The following RNF115 variants were observed in gnomAD, a reference collection of about 807,000 sequenced individuals.
The protein encoded by RNF115 is E3 ubiquitin-protein ligase RNF115.
In RNF115, 31 loss-of-function variants were observed where a neutral mutation model predicts 39.2. That is an observed-to-expected ratio of 0.79 (90% CI 0.59 to 1.07). RNF115 has a LOEUF of 1.07. Among genes scored for constraint, RNF115 ranks in the 50% least tolerant of loss-of-function variants. RNF115 has a pLI of 0.00. For missense variants in RNF115, 384 were observed against 381.7 expected (o/e 1.01, Z -0.05); for synonymous variants, 124 against 131.0 (o/e 0.95, Z 0.37).
At chr1:145,809,434 GC>G (rs1414316017) in intron 1 of RNF115, among the ~76,000 whole-genome samples, 1 of 145,772 alleles carries the variant, frequency 6.9e-6, no homozygotes, top group African/African-American at 2.5e-5. Flanking sequence ...GCCCGCTTCA[GC>G]CTCCCAAAGT....
Position 145,750,487 on chromosome 1 carries a change from A to T in RNF115, c.587T>A (p.Leu196Gln). The T allele has an allele frequency of 6.2e-7, 1 of 1,613,800 alleles. No individual in the cohort carries two copies. The highest frequency in any genetic ancestry group is 8.5e-7 in the Non-Finnish European group (1 of 1,179,734). ...DAIVTQLLGQLENTGPPPADK... is the reference protein window; with the variant it reads ...DAIVTQLLGQQENTGPPPADK... ...AGCTGGGGGAGGGCCTGTGTTTTCC[A>T]GTTGTCCTAAAAGCTACAAAAAAAG... Residue 196 changes from leucine to glutamine, a missense_variant, in exon 7 of 9, where the codon CTG becomes CAG. Coordinates refer to ENST00000582693, the MANE Select transcript of RNF115 (RefSeq NM_014455.4).
At chr1:145,771,455 T>C (rs1553715724) in intron 4 of RNF115, among the ~76,000 whole-genome samples, 1 of 152,202 alleles carries the variant, frequency 6.6e-6, no homozygotes, top group African/African-American at 2.4e-5. Context: ...CTGCACAAAA[T>C]GGACTGAGAC....
intron 1 of RNF115, among the ~76,000 whole-genome samples, chr1:145,805,945 G>A (rs930310405): frequency 7.9e-5 from 12 of 152,270 alleles, no homozygotes; most frequent in African/African-American, 2.9e-4. Context: ...GTTGCAAAAT[G>A]AGGGCTAGTT....
chr1:145,809,373 T>C (rs1256276096), intron 1 of RNF115, among the ~76,000 whole-genome samples: 1 of 151,184 alleles, frequency 6.6e-6, no homozygotes, highest in Non-Finnish European at 1.5e-5. Context: ...TTTTAGTAGA[T>C]GCAGATTTCA....
At chr1:145,787,598 G>C (rs1553718300) in intron 2 of RNF115, among the ~76,000 whole-genome samples, 1 of 135,972 alleles carries the variant, frequency 7.4e-6, no homozygotes, top group African/African-American at 2.8e-5. Context: ...AAAAGAAAAA[G>C]ATTTTAGGTT....
intron 3 of RNF115, among the ~76,000 whole-genome samples, chr1:145,783,778 G>T (rs587644487): frequency 6.6e-5 from 10 of 151,528 alleles, no homozygotes; most frequent in Non-Finnish European, 1.3e-4. Context: ...AAAACAAAGA[G>T]TATTAATGCC....
At chr1:145,813,699 T>C (rs1262227466) in intron 1 of RNF115, among the ~76,000 whole-genome samples, 17 of 151,966 alleles carry the variant, frequency 1.1e-4, no homozygotes, top group Non-Finnish European at 1.8e-4. Context: ...CCTAAAATTA[T>C]ACGGTCTCAA....
intron 4 of RNF115, among the ~76,000 whole-genome samples, chr1:145,767,095 C>T (rs587612452): frequency 2.0e-5 from 3 of 147,788 alleles, no homozygotes; most frequent in East Asian, 2.1e-4. Flanking sequence ...CCTTCCCGGA[C>T]GGGGCGGCTG....
At chr1:145,768,597 A>G (rs1189994053) in intron 4 of RNF115, among the ~76,000 whole-genome samples, 1 of 152,128 alleles carries the variant, frequency 6.6e-6, no homozygotes, top group East Asian at 1.9e-4. Flanking sequence ...TACAGGTGTG[A>G]GCCACCGCAC....
Position 145,823,875 on chromosome 1 carries a change from T to C in RNF115, c.-2A>G. The C allele has an allele frequency of 6.5e-7, 1 of 1,537,436 alleles. No homozygotes were observed. The highest frequency in any genetic ancestry group is 8.7e-7 in the Non-Finnish European group (1 of 1,144,548). ...CCCGGCCGCCGAAGCCTCCGCCATT[T>C]TTGCCCTCCGCCGCGGCCGTCCGAG... On this transcript the variant is annotated 5_prime_UTR_variant, in exon 1 of 9. Transcript: ENST00000582693.
intron 4 of RNF115, among the ~76,000 whole-genome samples, chr1:145,768,354 C>T (rs1647476819): frequency 6.6e-6 from 1 of 152,214 alleles, no homozygotes; most frequent in African/African-American, 2.4e-5. Flanking sequence ...CTTGCTCTGT[C>T]GCCCAGGCTG....
At chr1:145,770,880 CAA>C (rs1553715642) in intron 4 of RNF115, among the ~76,000 whole-genome samples, 1 of 152,148 alleles carries the variant, frequency 6.6e-6, no homozygotes, top group African/African-American at 2.4e-5. Flanking sequence ...GTGTCCCATA[CAA>C]AAGACACTCA....
chr1:145,748,085 G>C lies in RNF115; in HGVS notation c.693C>G (p.Cys231Trp). ...CCTCTTCAACTGTGTAATCTTCTTT[G>C]CATACTGGACACTCTAAACCCATAT... ...QVDMGLECPV[C>W]KEDYTVEEEV... is the part of the protein sequence containing the mutation. Residue 231 changes from cysteine to tryptophan, a missense_variant, in exon 8 of 9, where the codon TGC (cysteine) becomes TGG (tryptophan). Cys to Trp is a radical substitution (Grantham distance 215). Coordinates refer to ENST00000582693, the MANE Select transcript of RNF115 (RefSeq NM_014455.4). The C allele has an allele frequency of 1.2e-6, 2 of 1,612,980 alleles. No homozygotes were observed. Among genetic ancestry groups the C allele is most frequent in the Non-Finnish European group, 1.7e-6 (2 of 1,179,058 alleles).
intron 1 of RNF115, among the ~76,000 whole-genome samples, chr1:145,814,774 G>C (rs1649905731): frequency 6.6e-6 from 1 of 151,964 alleles, no homozygotes; most frequent in African/African-American, 2.4e-5. Flanking sequence ...AGAATTACAA[G>C]GATAAACTAG....
At chr1:145,797,968 G>A (rs1649057061) in intron 1 of RNF115, among the ~76,000 whole-genome samples, 5 of 152,140 alleles carry the variant, frequency 3.3e-5, no homozygotes, top group Admixed American at 3.3e-4. Flanking sequence ...GACTATTCAA[G>A]TCATTTGCCT....
chr1:145,766,871 C>T (rs1553714962), intron 4 of RNF115, among the ~76,000 whole-genome samples: 1 of 67,096 alleles, frequency 1.5e-5, no homozygotes, highest in Non-Finnish European at 2.9e-5. Context: ...CTCCTCACTT[C>T]CCAGTAGGGG....
chr1:145,823,577 G>A (rs587757383), intron 1 of RNF115, among the ~76,000 whole-genome samples, 195 bp downstream of exon 1: 44 of 152,318 alleles, frequency 2.9e-4, no homozygotes, highest in African/African-American at 9.1e-4. Context: ...GATGAATTAA[G>A]AGGTGGGCAG....
intron 4 of RNF115, among the ~76,000 whole-genome samples, chr1:145,764,052 T>G (rs1463366080): frequency 6.6e-6 from 1 of 152,170 alleles, no homozygotes; most frequent in Non-Finnish European, 1.5e-5. Context: ...TGCCTGCTAT[T>G]GCAGGCGCGC....
In RNF115 at chr1:145,800,069, T is replaced by G. The variant is rs587677907; in HGVS notation, c.103-11103A>C. On this transcript the variant is annotated intron_variant, in intron 1 of 8. Transcript: ENST00000582693. ...ATGTGGTATTCTCTTTACTTTGATG[T>G]GTTTGAAATTTTCCATGATAAAGTT... is the stretch of plus-strand genomic sequence containing the variant. Among the ~76,000 whole-genome samples the G allele has an allele frequency of 6.0e-4, 92 of 152,330 alleles. No homozygotes were observed. The South Asian group carries it at 0.019, about 32-fold the overall frequency.
Sources: allele counts gnomAD v4.1 joint callset (sites outside exome capture counted in the v4.1 genomes callset), GRCh38; gene constraint gnomAD v4.1.1; transcripts MANE v1.5; gene names NCBI Gene and HGNC (gene_info 2026-07-23, HGNC 2026-07-21).